Variants in NSMCE1 observed in about 807,000 individuals in gnomAD.
NSMCE1 encodes NSE1 component of SMC5/6 complex, also known as non-structural maintenance of chromosomes element 1 homolog.
A neutral mutation model predicts 29.6 loss-of-function variants in NSMCE1; 18 were observed. That is an observed-to-expected ratio of 0.61 (90% CI 0.42 to 0.90). NSMCE1 has a LOEUF of 0.90. Among genes scored for constraint, NSMCE1 ranks in the 40% least tolerant of loss-of-function variants. The pLI is 0.00. For synonymous variants in NSMCE1, 124 were observed against 133.4 expected (o/e 0.93, Z 0.49); for missense variants, 314 against 343.6 (o/e 0.91, Z 0.68).
Position 27,232,177 on chromosome 16 carries a change from C to T in NSMCE1, c.483+824G>A, listed in dbSNP as rs1457927266. Among the ~76,000 whole-genome samples, 2 of 152,328 alleles carry T rather than the reference C, an allele frequency of 1.3e-5. No individual in the cohort carries two copies. Among genetic ancestry groups the T allele is most frequent in the African/African-American group, 2.4e-5 (1 of 41,562 alleles). Reference sequence around the variant, plus strand: ...CAGCCTCTGGCCACGAGTCCGACCACCAAGTGAGGAAGCGGGGACCCGGCG... The same window carrying T: ...CAGCCTCTGGCCACGAGTCCGACCATCAAGTGAGGAAGCGGGGACCCGGCG... On this transcript the variant is annotated intron_variant, in intron 5 of 7. Coordinates refer to ENST00000361439, the MANE Select transcript of NSMCE1 (RefSeq NM_145080.4). The surrounding 1 kb of genome is among the most constrained non-coding windows in gnomAD (Gnocchi z 4.5).
chr16:27,248,192 A>T lies in NSMCE1; in HGVS notation c.136+9243T>A, dbSNP rs1439118477. Among the ~76,000 whole-genome samples, 4 of 152,144 alleles carry T rather than the reference A, an allele frequency of 2.6e-5. No individual in the cohort carries two copies. In the East Asian group the frequency reaches 7.7e-4, roughly 29 times the overall value. On this transcript the variant is annotated intron_variant, in intron 2 of 7. Transcript: ENST00000361439. ...AGCCTTTGTGCGGGCATATAGCTTCATATCTCTTGAATAAATGCCTAAGAG... is the reference window on the plus strand; with the variant it reads ...AGCCTTTGTGCGGGCATATAGCTTCTTATCTCTTGAATAAATGCCTAAGAG...
intron 6 of NSMCE1, chr16:27,226,116 G>A: frequency 2.9e-6 from 1 of 345,576 alleles, no homozygotes; most frequent in Non-Finnish European, 5.4e-6. Context: ...CTCAGATCCT[G>A]CAGGTGGCGT....
intron 2 of NSMCE1, among the ~76,000 whole-genome samples, chr16:27,240,285 G>C (rs1346418508): frequency 6.6e-6 from 1 of 152,218 alleles, no homozygotes; most frequent in Non-Finnish European, 1.5e-5. Flanking sequence ...AGGATGGAAG[G>C]CATCTGGGCA....
At chr16:27,237,920 C>T (rs1196116707) in intron 2 of NSMCE1, among the ~76,000 whole-genome samples, 1 of 152,178 alleles carries the variant, frequency 6.6e-6, no homozygotes, top group Non-Finnish European at 1.5e-5. Flanking sequence ...CCAGCCACTG[C>T]TTGGGCGCTC....
intron 5 of NSMCE1, among the ~76,000 whole-genome samples, chr16:27,230,048 T>G (rs2083746377): frequency 6.6e-6 from 1 of 152,128 alleles, no homozygotes. Flanking sequence ...GCCACAACAC[T>G]TGGAAGTCAG....
At chr16:27,249,830 G>T (rs528645504) in intron 2 of NSMCE1, among the ~76,000 whole-genome samples, 1 of 152,094 alleles carries the variant, frequency 6.6e-6, no homozygotes, top group Admixed American at 6.5e-5. Flanking sequence ...GGATTTCTTT[G>T]AATCTATAGA....
At chr16:27,235,323 AG>A in intron 2 of NSMCE1, 24 bp from the exon 3 acceptor site, 2 of 1,609,672 alleles carry the variant, frequency 1.2e-6, no homozygotes. Context: ...GACCAAAAAA[AG>A]GGGGGTGACC....
chr16:27,254,556 G>A (rs866626200), intron 2 of NSMCE1, among the ~76,000 whole-genome samples: 2 of 152,180 alleles, frequency 1.3e-5, no homozygotes, highest in Non-Finnish European at 1.5e-5. Context: ...CTAAATTGTC[G>A]TGTAAATAAG....
intron 2 of NSMCE1, among the ~76,000 whole-genome samples, chr16:27,244,731 T>A (rs973194541): frequency 3.9e-5 from 6 of 152,216 alleles, no homozygotes; most frequent in Non-Finnish European, 7.3e-5. Flanking sequence ...AATGCTTCCT[T>A]CCAGCACTTA....
chr16:27,237,207 G>C (rs2083835421), intron 2 of NSMCE1, among the ~76,000 whole-genome samples: 1 of 152,234 alleles, frequency 6.6e-6, no homozygotes, highest in South Asian at 2.1e-4. Context: ...ACATGGATGT[G>C]GTGAGATCGT....
intron 1 of NSMCE1, among the ~76,000 whole-genome samples, chr16:27,262,104 C>A (rs778311237): frequency 6.6e-6 from 1 of 151,920 alleles, no homozygotes; most frequent in East Asian, 1.9e-4. Flanking sequence ...ATTGGTTGGG[C>A]GGGGTGGCAC....
rs114158782 is a variant in NSMCE1 at position 27,250,086 on chromosome 16, A to G, written c.136+7349T>C. ...TCCATTGCCAGCATATAGAGAAACA[A>G]TTGGTATTTGGATATTGATTTTGTA... On this transcript the variant is annotated intron_variant, in intron 2 of 7. Transcript: ENST00000361439. Among the ~76,000 whole-genome samples, 393 of 152,352 alleles carry G rather than the reference A, an allele frequency of 2.6e-3. 2 individuals carry two copies. Among genetic ancestry groups the G allele is most frequent in the African/African-American group, 8.9e-3 (370 of 41,572 alleles).
intron 2 of NSMCE1, among the ~76,000 whole-genome samples, chr16:27,253,790 T>C (rs1596692547): frequency 6.6e-6 from 1 of 152,222 alleles, no homozygotes; most frequent in East Asian, 1.9e-4. Context: ...AACGTATGTG[T>C]GGATGCAAGT....
At chr16:27,245,774 T>A (rs2083949784) in intron 2 of NSMCE1, among the ~76,000 whole-genome samples, 1 of 152,138 alleles carries the variant, frequency 6.6e-6, no homozygotes, top group Non-Finnish European at 1.5e-5. Context: ...AGACTTTATC[T>A]CCCTTGATTA....
chr16:27,233,137 A>G lies in NSMCE1; in HGVS notation c.347T>C (p.Ile116Thr). ...CGCAAAGCCGGTTTCTGAGTCAATAATCAGTTCCAGCTGGAAGAAAGAGCA... is the reference window on the plus strand; with the variant it reads ...CGCAAAGCCGGTTTCTGAGTCAATAGTCAGTTCCAGCTGGAAGAAAGAGCA... ...LDLFRKALEL[I>T]IDSETGFASS... is the part of the protein sequence containing the mutation. Residue 116 changes from isoleucine to threonine, a missense_variant, in exon 5 of 8, where the codon ATT becomes ACT. Coordinates refer to ENST00000361439, the MANE Select transcript of NSMCE1 (RefSeq NM_145080.4). 3.1e-6 allele frequency: 5 copies of G among 1,613,440 alleles called. No individual in the cohort carries two copies. The highest frequency in any genetic ancestry group is 1.7e-4 in the Middle Eastern group (1 of 6,056).
chr16:27,243,251 C>T (rs547845800), intron 2 of NSMCE1, among the ~76,000 whole-genome samples: 2 of 152,272 alleles, frequency 1.3e-5, no homozygotes, highest in South Asian at 2.1e-4. Context: ...GACCGTTCAC[C>T]GTCTCCCAAT....
chr16:27,241,779 G>A (rs923193362), intron 2 of NSMCE1: 3 of 431,896 alleles, frequency 6.9e-6, no homozygotes, highest in African/African-American at 2.0e-5. Context: ...TTCACTACAC[G>A]CTGCAGCGCC....
chr16:27,237,540 G>A (rs1266614483), intron 2 of NSMCE1, among the ~76,000 whole-genome samples: 2 of 152,194 alleles, frequency 1.3e-5, no homozygotes, highest in Admixed American at 6.5e-5. Context: ...GGGCAGCTCA[G>A]GTGCAAGAGG....
At position 27,235,250 on chromosome 16, in the gene NSMCE1, A is replaced by C. The variant is rs117765468; in HGVS notation, c.186T>G (p.Ser62Arg). 8.7e-4 allele frequency: 1,406 copies of C among 1,613,248 alleles called. 22 individuals are homozygous for C. The East Asian group carries it at 0.026, about 30-fold the overall frequency. ...KLEDFINNIN[S>R]VLESLYIEIK... The stretch of plus-strand genomic sequence containing the variant: ...TCTCAATATACAAGGACTCCAAGAC[A>C]CTGTTAATGTTGTTGATGAAGTCCT... The change falls in exon 3 of 8, where the codon AGT becomes AGG. Residue 62 changes from serine (S) to arginine (R), a missense_variant. Physicochemically the swap from Ser to Arg is moderately radical, Grantham distance 110. Transcript: ENST00000361439.
Sources: gnomAD v4.1 joint callset for allele counts (sites outside exome capture counted in the v4.1 genomes callset) on GRCh38, gnomAD v4.1.1 for gene constraint, Gnocchi (gnomAD v3.1) non-coding constraint, MANE v1.5 for transcripts, NCBI Gene and HGNC (gene_info 2026-07-23, HGNC 2026-07-21) for gene names.